Variants in EGF observed in about 807,000 individuals in gnomAD.
EGF encodes epidermal growth factor, also known as pro-epidermal growth factor.
EGF carries 95 observed loss-of-function variants against 143.8 expected under a neutral mutation model. The observed-to-expected ratio is 0.66, with a 90% CI of 0.56 to 0.78. The LOEUF is 0.78. Ranked by LOEUF, EGF falls within the 30% of genes least tolerant of loss-of-function variation. The pLI is 0.00. For synonymous variants in EGF, 510 were observed against 510.5 expected (o/e 1.00, Z 0.01); for missense variants, 1,320 against 1,470.9 (o/e 0.90, Z 1.68).
At chr4:109,950,068 G>A (rs566280841) in intron 5 of EGF, among the ~76,000 whole-genome samples, 1 of 152,262 alleles carries the variant, frequency 6.6e-6, no homozygotes, top group South Asian at 2.1e-4. Context: ...TACCTTCCAA[G>A]CTCCGGGTCC....
intron 18 of EGF, among the ~76,000 whole-genome samples, chr4:109,989,520 G>T (rs922114153): frequency 6.6e-6 from 1 of 152,198 alleles, no homozygotes; most frequent in African/African-American, 2.4e-5. Flanking sequence ...TAAGGTTAAA[G>T]ATGAAATATC....
At chr4:109,958,708 C>T (rs1745183715) in intron 5 of EGF, among the ~76,000 whole-genome samples, 1 of 151,930 alleles carries the variant, frequency 6.6e-6, no homozygotes, top group Non-Finnish European at 1.5e-5. Context: ...GTGGGCAGAT[C>T]ACTTGAGGTA....
intron 11 of EGF, among the ~76,000 whole-genome samples, chr4:109,970,748 C>T (rs1229182231): frequency 6.9e-6 from 1 of 145,628 alleles, no homozygotes; most frequent in African/African-American, 2.6e-5. Context: ...TGGCGTGAAC[C>T]TGGAAGGCGG....
intron 5 of EGF, among the ~76,000 whole-genome samples, chr4:109,952,168 C>T (rs1464807027): frequency 3.9e-5 from 6 of 152,122 alleles, no homozygotes; most frequent in Non-Finnish European, 7.4e-5. Flanking sequence ...ATCTTAATGA[C>T]AATTATTTCA....
chr4:109,993,294 A>C lies in EGF; in HGVS notation c.2782A>C (p.Ser928Arg), dbSNP rs757204959. ...LGEHSCGENA[S>R]CTNTEGGYTC... ...GGAGCACAGCTGTGGAGAGAATGCC[A>C]GCTGCACAAATACAGAGGGAGGCTA... The change falls in exon 19 of 24, where the codon AGC becomes CGC. Residue 928 changes from serine to arginine, a missense_variant. Transcript: ENST00000265171. 3 of 1,613,900 alleles carry C rather than the reference A, an allele frequency of 1.9e-6. 1 individual carries two copies. The highest frequency in any genetic ancestry group is 1.1e-5 in the South Asian group (1 of 91,066).
At position 109,945,362 on chromosome 4, in the gene EGF, G is replaced by A. The variant is rs1359985692; in HGVS notation, c.940+87G>A. 2.2e-6 allele frequency: 3 copies of A among 1,369,000 alleles called. No homozygotes were observed. In the East Asian group the frequency reaches 7.4e-5, roughly 34 times the overall value. The allele number at this position is 1,369,000 out of a possible 1,614,324, so 84.8% of individuals were successfully genotyped here. On this transcript the variant is annotated intron_variant, in intron 5 of 23. Coordinates refer to ENST00000265171, the MANE Select transcript of EGF (RefSeq NM_001963.6). The stretch of plus-strand genomic sequence containing the variant: ...AGCCAGACAATGAGGCGTTGTAGGG[G>A]AAAAAAAATTTTTTTCTTCAACCCT...
Position 109,919,287 on chromosome 4 carries a change from GTCTCTCTCTCTCTCTCTCTC to G in EGF, c.127+5860_127+5879del, listed in dbSNP as rs58110007. Among the ~76,000 whole-genome samples, 267 of 75,910 alleles carry G rather than the reference GTCTCTCTCTCTCTCTCTCTC, an allele frequency of 3.5e-3. 1 individual carries two copies. The highest frequency in any genetic ancestry group is 0.01 in the African/African-American group (213 of 20,456). 49.8% of individuals were successfully genotyped at this position (75,910 alleles called of 152,430 possible). A position where few individuals can be genotyped will look rare whatever the true frequency, so the allele number is the denominator to read the frequency against. On this transcript the variant is annotated intron_variant, in intron 1 of 23. Transcript: ENST00000265171. ...AGGTATTAGGAATGCATGCTTCTCT[GTCTCTCTCTCTCTCTCTCTC>G]TCTCTCTCTCTCTCTCTCTCTCTCT...
chr4:109,962,032 A>G, intron 8 of EGF, 47 bp downstream of exon 8: 6 of 1,610,722 alleles, frequency 3.7e-6, no homozygotes, highest in East Asian at 4.5e-5. Context: ...GAAAACATAC[A>G]TTTGCTCAGT....
chr4:109,958,194 A>T (rs1745110075), intron 5 of EGF, among the ~76,000 whole-genome samples: 1 of 152,212 alleles, frequency 6.6e-6, no homozygotes, highest in South Asian at 2.1e-4. Context: ...TACAATGCCT[A>T]CATCACTTCA....
At chr4:109,996,233 A>C (rs1300433452) in intron 20 of EGF, among the ~76,000 whole-genome samples, 1 of 152,190 alleles carries the variant, frequency 6.6e-6, no homozygotes, top group Non-Finnish European at 1.5e-5. Context: ...TTTCATTTGG[A>C]TCTGATAACA....
intron 5 of EGF, among the ~76,000 whole-genome samples, chr4:109,953,509 T>C (rs1425095878): frequency 6.6e-6 from 1 of 152,214 alleles, no homozygotes; most frequent in Admixed American, 6.5e-5. Context: ...TATTTCTTAA[T>C]TTACGTGTTT....
intron 20 of EGF, among the ~76,000 whole-genome samples, chr4:109,996,147 G>A (rs886677063): frequency 6.6e-6 from 1 of 152,106 alleles, no homozygotes; most frequent in African/African-American, 2.4e-5. Flanking sequence ...TTTCCTCCAT[G>A]ATACTTTAGA....
In EGF at chr4:110,011,040, C is replaced by CA. The variant is rs1396675873; in HGVS notation, c.3371-151dup. Among the ~76,000 whole-genome samples, 2,901 of 128,430 alleles carry CA rather than the reference C, an allele frequency of 0.023. 88 individuals carry two copies. The highest frequency in any genetic ancestry group is 0.075 in the African/African-American group (2,638 of 35,224). The allele number at this position is 128,430 out of a possible 152,430, so 84.3% of individuals were successfully genotyped here. A position where few individuals can be genotyped will look rare whatever the true frequency, so the allele number is the denominator to read the frequency against. ...CTGGATGACAGAGTGAGATGCTTAT[C>CA]AAAAAAAAAAAGAGAAAAAAATGTG... On this transcript the variant is annotated intron_variant, in intron 23 of 23. Coordinates refer to ENST00000265171, the MANE Select transcript of EGF (RefSeq NM_001963.6).
intron 1 of EGF, among the ~76,000 whole-genome samples, chr4:109,919,170 G>A (rs1737234573): frequency 6.6e-6 from 1 of 152,070 alleles, no homozygotes; most frequent in Non-Finnish European, 1.5e-5. Context: ...AGAATTTCTG[G>A]CTCCTGATTT....
At chr4:109,967,740 T>C (rs1395582484) in intron 10 of EGF, among the ~76,000 whole-genome samples, 1 of 152,130 alleles carries the variant, frequency 6.6e-6, no homozygotes, top group Non-Finnish European at 1.5e-5. Context: ...ATGGATGAAT[T>C]AAAATGAAAT....
chr4:109,988,953 T>C (rs1750557641), intron 18 of EGF, among the ~76,000 whole-genome samples: 3 of 152,228 alleles, frequency 2.0e-5, no homozygotes, highest in Admixed American at 2.0e-4. Flanking sequence ...TTTACTCCTC[T>C]GCCTTTCTAA....
intron 23 of EGF, 110 bp from the exon 24 acceptor site, chr4:110,011,092 C>G: frequency 7.7e-7 from 1 of 1,296,206 alleles, no homozygotes; most frequent in Non-Finnish European, 1.1e-6. Flanking sequence ...AATGGGTTAT[C>G]TTTGTGTCTC....
intron 11 of EGF, among the ~76,000 whole-genome samples, chr4:109,969,604 AT>A (rs67875617): frequency 0.016 from 2,360 of 152,194 alleles, 53 homozygotes; most frequent in African/African-American, 0.052. Flanking sequence ...AAATATAATA[AT>A]AAAAAAAAAA....
At chr4:109,940,160 C>G (rs924418696) in intron 1 of EGF, among the ~76,000 whole-genome samples, 1 of 152,130 alleles carries the variant, frequency 6.6e-6, no homozygotes, top group African/African-American at 2.4e-5. Context: ...TGGCCATCAC[C>G]TAGAACAGGA....
Sources: gnomAD v4.1 joint callset for allele counts (sites outside exome capture counted in the v4.1 genomes callset) on GRCh38, gnomAD v4.1.1 for gene constraint, MANE v1.5 for transcripts, NCBI Gene and HGNC (gene_info 2026-07-23, HGNC 2026-07-21) for gene names.